GUSB: variants seen among roughly 807,000 people sequenced by gnomAD.
The protein encoded by GUSB is glucuronidase beta.
In GUSB, 51 loss-of-function variants were observed where a neutral mutation model predicts 74.6. That is an observed-to-expected ratio of 0.68 (90% CI 0.55 to 0.86). The LOEUF (loss-of-function observed/expected upper bound fraction) is 0.86. GUSB is among the 40% of genes least tolerant of loss of function. GUSB has a pLI of 0.00. For missense variants in GUSB, 736 were observed against 853.7 expected, an observed-to-expected ratio of 0.86 and a Z score of 1.72; for synonymous variants, 360 against 348.3, an observed-to-expected ratio of 1.03 and a Z score of -0.37.
rs1032117020 is a variant in GUSB at position 65,979,856 on chromosome 7, G to T, written c.452C>A (p.Ala151Asp). The T allele has an allele frequency of 4.3e-6, 7 of 1,613,194 alleles. No homozygotes were observed. The African/African-American group carries it at 9.3e-5, about 22-fold the overall frequency. ...EHEGGYLPFE[A>D]DISNLVQVGP... is the part of the protein sequence containing the mutation. Reference sequence around the variant, plus strand: ...CACCTGGACCAGGTTGCTGATGTCGGCCTCGAAGGGGAGGTAGCCCCCCTC... The same window carrying T: ...CACCTGGACCAGGTTGCTGATGTCGTCCTCGAAGGGGAGGTAGCCCCCCTC... Residue 151 changes from alanine (A) to aspartate (D), a missense_variant, in exon 3 of 12, where the codon GCC becomes GAC. Transcript: ENST00000304895.
At chr7:65,979,959 G>T in intron 2 of GUSB, 48 bp from the exon 3 acceptor site, 1 of 1,462,366 alleles carries the variant, frequency 6.8e-7, no homozygotes, top group South Asian at 1.2e-5. Flanking sequence ...CAGGGCATGA[G>T]GAGGCGCCCT....
Position 65,967,005 on chromosome 7 carries a change from G to A in GUSB, c.1653+726C>T, listed in dbSNP as rs374790503. Among the ~76,000 whole-genome samples the A allele has an allele frequency of 9.2e-5, 14 of 152,328 alleles. No individual in the cohort carries two copies. In the East Asian group the frequency reaches 2.7e-3, roughly 29 times the overall value. ...CAGGCAGAAGAAACAGCTCAAGCAA[G>A]AGCAGGAGAGCAAGCGAGGGCAGTG... On this transcript the variant is annotated intron_variant, in intron 10 of 11. Coordinates refer to ENST00000304895, the MANE Select transcript of GUSB (RefSeq NM_000181.4).
At chr7:65,980,645 A>G in intron 1 of GUSB, 1 of 558,250 alleles carries the variant, frequency 1.8e-6, no homozygotes, top group African/African-American at 1.9e-5. Flanking sequence ...CTCCTGAGAC[A>G]GGAGCAAGCC....
intron 5 of GUSB, 180 bp from the exon 6 acceptor site, chr7:65,975,251 A>C: frequency 4.8e-6 from 3 of 630,310 alleles, no homozygotes; most frequent in Non-Finnish European, 8.6e-6. Flanking sequence ...CCTTCAAAAC[A>C]TGGCCTTCCC....
At chr7:65,976,657 G>T (rs903428601) in intron 4 of GUSB, among the ~76,000 whole-genome samples, 2 of 151,608 alleles carry the variant, frequency 1.3e-5, no homozygotes, top group African/African-American at 2.4e-5. Context: ...TTTTGGCCAG[G>T]TGCAGTGGTC....
At position 65,973,717 on chromosome 7, in the gene GUSB, C is replaced by T. The variant is rs569061659; in HGVS notation, c.1391+578G>A. ...GGTTGCAGTGAGCTGAGATCATGCCCCTGCACTCCATCCTGGGCAATAGAG... is the reference window on the plus strand; with the variant it reads ...GGTTGCAGTGAGCTGAGATCATGCCTCTGCACTCCATCCTGGGCAATAGAG... On this transcript the variant is annotated intron_variant, in intron 8 of 11. Coordinates refer to ENST00000304895, the MANE Select transcript of GUSB (RefSeq NM_000181.4). Among the ~76,000 whole-genome samples, 13 of 151,588 alleles carry T rather than the reference C, an allele frequency of 8.6e-5. 1 individual carries two copies. The South Asian group carries it at 2.1e-3, about 24-fold the overall frequency.
chr7:65,980,184 T>TCA, intron 2 of GUSB, 40 bp downstream of exon 2: 4 of 720,098 alleles, frequency 5.6e-6, no homozygotes, highest in South Asian at 1.6e-5. Context: ...TCAGCAGCCG[T>TCA]GCCCCCCCAC....
chr7:65,977,835 G>A (rs942534341), intron 4 of GUSB, among the ~76,000 whole-genome samples: 1 of 151,806 alleles, frequency 6.6e-6, no homozygotes, highest in Non-Finnish European at 1.5e-5. Flanking sequence ...TTTTGACATG[G>A]AGTCTCGCTC....
chr7:65,977,141 T>C (rs1292767528), intron 4 of GUSB, among the ~76,000 whole-genome samples: 1 of 152,154 alleles, frequency 6.6e-6, no homozygotes, highest in Non-Finnish European at 1.5e-5. Flanking sequence ...CAGCCTGTCC[T>C]GAATTCTGTG....
chr7:65,979,945 A>C, intron 2 of GUSB, 34 bp from the exon 3 acceptor site: 1 of 1,537,104 alleles, frequency 6.5e-7, no homozygotes, highest in Non-Finnish European at 8.8e-7. Flanking sequence ...AGGGGGCTGC[A>C]GGTCAGGGCA....
rs757284086 is a variant in GUSB at position 65,975,996 on chromosome 7, T to C, written c.912+19A>G. 3.1e-6 allele frequency: 5 copies of C among 1,610,060 alleles called. No homozygotes were observed. In the South Asian group the frequency reaches 5.5e-5, roughly 18 times the overall value. The stretch of plus-strand genomic sequence containing the variant: ...GGGGGCAAAAGACCTCCCTTAGGCA[T>C]GTCCCAAACCACCATTACCTCCAAT... On this transcript the variant is annotated intron_variant, in intron 5 of 11. Coordinates refer to ENST00000304895, the MANE Select transcript of GUSB (RefSeq NM_000181.4).
chr7:65,977,054 C>T (rs1791630885), intron 4 of GUSB, among the ~76,000 whole-genome samples: 1 of 152,100 alleles, frequency 6.6e-6, no homozygotes, highest in Non-Finnish European at 1.5e-5. Context: ...CTTCCCAGCT[C>T]CTTAGGAATT....
chr7:65,975,206 G>A, intron 5 of GUSB, 135 bp from the exon 6 acceptor site: 1 of 775,380 alleles, frequency 1.3e-6, no homozygotes, highest in Non-Finnish European at 2.2e-6. Flanking sequence ...GCAATCAGAG[G>A]TTCTGCCCTA....
intron 2 of GUSB, 39 bp downstream of exon 2, chr7:65,980,185 G>GGGGGGGGCCCCCCCCCCCC: frequency 1.4e-6 from 1 of 725,274 alleles, no homozygotes; most frequent in Non-Finnish European, 2.4e-6. Context: ...CAGCAGCCGT[G>GGGGGGGGCCCCCCCCCCCC]CCCCCCCACC....
At chr7:65,968,054 C>G in intron 9 of GUSB, 147 bp from the exon 10 acceptor site, 1 of 713,262 alleles carries the variant, frequency 1.4e-6, no homozygotes, top group South Asian at 1.5e-5. Flanking sequence ...TGGCTTAAGA[C>G]CAGCCTGGGC....
chr7:65,980,183 G>A (rs762166296), intron 2 of GUSB, 41 bp downstream of exon 2: 19 of 748,714 alleles, frequency 2.5e-5, no homozygotes, highest in Admixed American at 1.4e-4. Flanking sequence ...TTCAGCAGCC[G>A]TGCCCCCCCA....
Position 65,970,324 on chromosome 7 carries a change from A to G in GUSB, c.1434T>C (p.Pro478=). The G allele has an allele frequency of 6.2e-7, 1 of 1,613,426 alleles. No homozygotes were observed. Among genetic ancestry groups the G allele is most frequent in the African/African-American group, 1.3e-5 (1 of 74,986 alleles). Residue 478 remains proline, a synonymous_variant, in exon 9 of 12, where the codon CCT becomes CCC. Transcript: ENST00000304895. ...AGTTAGAGTTGCTCACAAAGGTCAC[A>G]GGCCGGGAGGGGTCCAAGGATTTGG... ...AHTKSLDPSR[P]VTFVSNSNYA...
intron 11 of GUSB, among the ~76,000 whole-genome samples, chr7:65,962,753 T>C (rs1790579816): frequency 6.6e-6 from 1 of 151,468 alleles, no homozygotes; most frequent in Admixed American, 6.6e-5. Context: ...ATGCCTGCAA[T>C]CCCAGTTAAT....
In GUSB at chr7:65,979,362, T is replaced by C. The variant is rs1196119788; in HGVS notation, c.724+37A>G. The C allele has an allele frequency of 2.6e-6, 4 of 1,564,438 alleles. No homozygotes were observed. In the African/African-American group the frequency reaches 5.8e-5, roughly 23 times the overall value. On this transcript the variant is annotated intron_variant, in intron 4 of 11. Transcript: ENST00000304895. ...AAACAGGGAACAAACAGAGCCACCC[T>C]GGGCCCCGCTGAGAGGATCCTACCA...
Sources: gnomAD v4.1 joint callset for allele counts (sites outside exome capture counted in the v4.1 genomes callset) on GRCh38, gnomAD v4.1.1 for gene constraint, MANE v1.5 for transcripts, NCBI Gene and HGNC (gene_info 2026-07-23, HGNC 2026-07-21) for gene names.